Variants in TRPV3 observed in about 807,000 individuals in gnomAD.
TRPV3 encodes the protein VRL-3.
Under a neutral mutation model 87.1 loss-of-function variants are expected in TRPV3, and 88 were observed. That is an observed-to-expected ratio of 1.01 (90% CI 0.85 to 1.21). The LOEUF (loss-of-function observed/expected upper bound fraction) is 1.21, where lower values mean the gene tolerates loss of function less well. Ranked by LOEUF, TRPV3 falls within the 50% of genes most tolerant of loss-of-function variation. TRPV3 has a pLI of 0.00. For missense variants in TRPV3, 1,054 were observed against 1,030.1 expected, an observed-to-expected ratio of 1.02 and a Z score of -0.32; for synonymous variants, 438 against 423.3, an observed-to-expected ratio of 1.03 and a Z score of -0.43.
At chr17:3,541,468 T>C (rs1195856763) in intron 6 of TRPV3, among the ~76,000 whole-genome samples, 1 of 152,138 alleles carries the variant, frequency 6.6e-6, no homozygotes, top group Non-Finnish European at 1.5e-5. Flanking sequence ...CACGAGCACC[T>C]CATAAGACCG....
rs756417189 is a variant in TRPV3, at chr17:3,518,808, T to C, written c.1853A>G (p.Asp618Gly). Reference sequence around the variant, plus strand: ...GCTGAAGCTGCCGTAGGAGCTGCAGTCCTTGTTGTCTTTGGGACACTTCTC... The same window carrying C: ...GCTGAAGCTGCCGTAGGAGCTGCAGCCCTTGTTGTCTTTGGGACACTTCTC... ...LIEKCPKDNK[D>G]CSSYGSFSDA... The change falls in exon 15 of 18, where the codon GAC (aspartate) becomes GGC (glycine). Residue 618 changes from aspartate (D) to glycine (G), a missense_variant. By Grantham distance (94) the Asp-to-Gly change is moderately conservative (BLOSUM62 -1). Transcript: ENST00000576742. This position sits in a 1 kb window ranked among gnomAD's most constrained non-coding sequence, Gnocchi z 4.3. 6.8e-6 allele frequency: 11 copies of C among 1,613,982 alleles called. No homozygotes were observed. Among genetic ancestry groups the C allele is most frequent in the African/African-American group, 1.3e-5 (1 of 74,914 alleles).
At position 3,528,957 on chromosome 17, in the gene TRPV3, C is replaced by T. The variant is rs114034214; in HGVS notation, c.1281G>A (p.Thr427=). 1.5e-4 allele frequency: 241 copies of T among 1,614,200 alleles called. No homozygotes were observed. The highest frequency in any genetic ancestry group is 1.9e-4 in the Non-Finnish European group (222 of 1,180,038). Residue 427 remains threonine, a synonymous_variant, in exon 10 of 18, where the codon ACG becomes ACA. Coordinates refer to ENST00000576742, the MANE Select transcript of TRPV3 (RefSeq NM_145068.4). This position sits in a 1 kb window ranked among gnomAD's most constrained non-coding sequence, Gnocchi z 4.2. ...HEMLTLEPLH[T]LLHMKWKKFA... ...ACTTCTTCCACTTCATATGCAGCAG[C>T]GTGTGCAGCGGCTCCAGGGTCAGCA... is the stretch of plus-strand genomic sequence containing the variant.
chr17:3,555,262 G>A (rs563317733), intron 1 of TRPV3, among the ~76,000 whole-genome samples: 23 of 152,278 alleles, frequency 1.5e-4, no homozygotes, highest in East Asian at 9.6e-4. Flanking sequence ...AGTCCCAGGC[G>A]GACTCCTAAG....
At chr17:3,519,622 A>ATGGATGGT (rs1301439801) in intron 14 of TRPV3, among the ~76,000 whole-genome samples, 1 of 147,710 alleles carries the variant, frequency 6.8e-6, no homozygotes, top group African/African-American at 2.5e-5. Context: ...GGATGGATGG[A>ATGGATGGT]TGGATGGATG....
chr17:3,539,380 G>T (rs2074438050), intron 6 of TRPV3, among the ~76,000 whole-genome samples: 1 of 152,142 alleles, frequency 6.6e-6, no homozygotes, highest in Non-Finnish European at 1.5e-5. Flanking sequence ...TAGGCTGGGT[G>T]CGGTGGCTCA....
In TRPV3 at chr17:3,513,868, G is replaced by T; in HGVS notation, c.*49C>A. On this transcript the variant is annotated 3_prime_UTR_variant, in exon 18 of 18. Transcript: ENST00000576742. The stretch of plus-strand genomic sequence containing the variant: ...CTCTCTGCACAGAGTCGGTGACTCC[G>T]CCTGCAGCGCCAGACAGCGCACGCG... The T allele has an allele frequency of 6.6e-7, 1 of 1,507,636 alleles. No homozygotes were observed. The highest frequency in any genetic ancestry group is 9.2e-7 in the Non-Finnish European group (1 of 1,087,018). 93.4% of individuals were successfully genotyped at this position (1,507,636 alleles called of 1,614,324 possible). A position where few individuals can be genotyped will look rare whatever the true frequency, so the allele number is the denominator to read the frequency against.
Position 3,516,575 on chromosome 17 carries a change from G to C in TRPV3, c.2086-6C>G, listed in dbSNP as rs769829281. 3 of 1,610,652 alleles carry C rather than the reference G, an allele frequency of 1.9e-6. No individual in the cohort carries two copies. The highest frequency in any genetic ancestry group is 2.5e-6 in the Non-Finnish European group (3 of 1,176,864). On this transcript the variant is annotated splice_polypyrimidine_tract_variant and splice_region_variant and intron_variant, in intron 15 of 17. Transcript: ENST00000576742. ...TCCAAGATGGTCCTGGCTCTCTGGG[G>C]ACATAAGCAAGTCTAAGGAGTAGGC...
Position 3,528,701 on chromosome 17 carries a change from G to T in TRPV3, c.1401+136C>A. The T allele has an allele frequency of 1.0e-6, 1 of 1,003,230 alleles. No homozygotes were observed. Among genetic ancestry groups the T allele is most frequent in the Non-Finnish European group, 1.4e-6 (1 of 693,480 alleles). The allele number at this position is 1,003,230 out of a possible 1,614,324, so 62.1% of individuals were successfully genotyped here. The stretch of plus-strand genomic sequence containing the variant: ...GAAGACATATTCAGTTCCCTGGGAA[G>T]CGTGAAGGACAACTGGGGGACCCCG... On this transcript the variant is annotated intron_variant, in intron 10 of 17. Coordinates refer to ENST00000576742, the MANE Select transcript of TRPV3 (RefSeq NM_145068.4). The surrounding 1 kb of genome is among the most constrained non-coding windows in gnomAD (Gnocchi z 4.2).
intron 7 of TRPV3, among the ~76,000 whole-genome samples, chr17:3,534,608 G>A (rs936258972): frequency 6.6e-5 from 10 of 151,942 alleles, no homozygotes; most frequent in Non-Finnish European, 1.0e-4. Flanking sequence ...CCTCTAACAC[G>A]GGTGACTTTC....
chr17:3,518,908 G>A lies in TRPV3; in HGVS notation c.1811-58C>T. 6.4e-7 allele frequency: 1 copy of A among 1,550,664 alleles called. No individual in the cohort carries two copies. ...TCTCTGCCTGGTAATTACTCTACAAGCTTGCGTGTATTTGCCTACATGACA... is the reference window on the plus strand; with the variant it reads ...TCTCTGCCTGGTAATTACTCTACAAACTTGCGTGTATTTGCCTACATGACA... On this transcript the variant is annotated intron_variant, in intron 14 of 17. Transcript: ENST00000576742. The surrounding 1 kb of genome is among the most constrained non-coding windows in gnomAD (Gnocchi z 4.3).
In TRPV3 at chr17:3,518,945, T is replaced by G; in HGVS notation, c.1811-95A>C. The G allele has an allele frequency of 7.5e-7, 1 of 1,334,300 alleles. No individual in the cohort carries two copies. The highest frequency in any genetic ancestry group is 1.5e-5 in the African/African-American group (1 of 68,838). 82.7% of individuals were successfully genotyped at this position (1,334,300 alleles called of 1,614,324 possible). The stretch of plus-strand genomic sequence containing the variant: ...TTGCCTACATGACAAGCCTGCTGCC[T>G]CCTTCTCTCTGGCCATTAAATCCCA... On this transcript the variant is annotated intron_variant, in intron 14 of 17. Coordinates refer to ENST00000576742, the MANE Select transcript of TRPV3 (RefSeq NM_145068.4). The surrounding 1 kb of genome is among the most constrained non-coding windows in gnomAD (Gnocchi z 4.3).
In TRPV3 at chr17:3,512,189, C is replaced by T. The variant is rs928287457; in HGVS notation, c.*1728G>A. On this transcript the variant is annotated 3_prime_UTR_variant, in exon 18 of 18. Transcript: ENST00000576742. ...CCCATTCTGAAACACATCTGCTCCT[C>T]CTGCCTCTAGGACAGTTCTCCTCAA... The T allele has an allele frequency of 3.9e-5, 6 of 152,266 alleles. No homozygotes were observed. The highest frequency in any genetic ancestry group is 1.2e-4 in the African/African-American group (5 of 41,450). 9.4% of individuals were successfully genotyped at this position (152,266 alleles called of 1,614,324 possible).
chr17:3,556,579 C>T lies in TRPV3; in HGVS notation c.-3+1097G>A, dbSNP rs1350742085. On this transcript the variant is annotated intron_variant, in intron 1 of 17. Coordinates refer to ENST00000576742, the MANE Select transcript of TRPV3 (RefSeq NM_145068.4). This position sits in a 1 kb window ranked among gnomAD's most constrained non-coding sequence, Gnocchi z 4.2. ...GGAGCTGGGGCCACTGGTGATCCTA[C>T]CCCAATAGGAAAGCTTCCTGGAGGA... 2.6e-5 allele frequency among the ~76,000 whole-genome samples: 4 copies of T among 152,106 alleles called. No individual in the cohort carries two copies. Among genetic ancestry groups the T allele is most frequent in the Non-Finnish European group, 2.9e-5 (2 of 67,994 alleles).
intron 13 of TRPV3, among the ~76,000 whole-genome samples, chr17:3,522,742 G>A (rs1264744739): frequency 1.3e-5 from 2 of 151,444 alleles, no homozygotes; most frequent in South Asian, 2.1e-4. Flanking sequence ...GCTTGAGCCC[G>A]GGAGGCAGAG....
rs539408762 is a variant in TRPV3 at position 3,513,957 on chromosome 17, G to T, written c.2333C>A (p.Ala778Glu). 2.5e-6 allele frequency: 4 copies of T among 1,614,144 alleles called. No homozygotes were observed. The Admixed American group carries it at 6.7e-5, about 27-fold the overall frequency. Residue 778 changes from alanine (A) to glutamate (E), a missense_variant, in exon 18 of 18, where the codon GCA becomes GAA. Physicochemically the swap from Ala to Glu is moderately radical, Grantham distance 107. Transcript: ENST00000576742. ...CGGGAATTCCTCGACTTCTTCAAATGCATTGAGAGTGGTTTTGCTGTTGTT... is the reference window on the plus strand; with the variant it reads ...CGGGAATTCCTCGACTTCTTCAAATTCATTGAGAGTGGTTTTGCTGTTGTT... ...SRNNSKTTLN[A>E]FEEVEEFPET...
intron 14 of TRPV3, among the ~76,000 whole-genome samples, chr17:3,519,974 TTGGATGGATGGATGGATGGA>T (rs56355146): frequency 4.3e-5 from 5 of 116,952 alleles, no homozygotes; most frequent in African/African-American, 1.5e-4. Context: ...GGATGAATGA[TTGGATGGATGGATGGATGGA>T]TGGATGGATG....
At chr17:3,551,869 TC>T (rs1421595441) in intron 2 of TRPV3, among the ~76,000 whole-genome samples, 5 of 140,980 alleles carry the variant, frequency 3.5e-5, no homozygotes, top group African/African-American at 1.0e-4. Flanking sequence ...TGTAATTTAT[TC>T]TTTTTTTTTT....
Position 3,528,811 on chromosome 17 carries a change from T to C in TRPV3, c.1401+26A>G. 1.9e-6 allele frequency: 3 copies of C among 1,613,278 alleles called. No individual in the cohort carries two copies. Among genetic ancestry groups the C allele is most frequent in the Non-Finnish European group, 2.5e-6 (3 of 1,179,560 alleles). On this transcript the variant is annotated intron_variant, in intron 10 of 17. Transcript: ENST00000576742. This position sits in a 1 kb window ranked among gnomAD's most constrained non-coding sequence, Gnocchi z 4.2. ...GCCCCTCCAGCTCTGACGGCCCCAT[T>C]TTCCCCCTCCAAGGGGCCCACGTAC...
At chr17:3,519,874 A>ATGGATGAT (rs1287949966) in intron 14 of TRPV3, among the ~76,000 whole-genome samples, 12 of 145,582 alleles carry the variant, frequency 8.2e-5, no homozygotes, top group Non-Finnish European at 1.5e-4. Flanking sequence ...GGATGGATGG[A>ATGGATGAT]TGGATGGATG....
Sources: gnomAD v4.1 joint callset for allele counts (sites outside exome capture counted in the v4.1 genomes callset) on GRCh38, gnomAD v4.1.1 for gene constraint, Gnocchi (gnomAD v3.1) non-coding constraint, MANE v1.5 for transcripts, NCBI Gene and HGNC (gene_info 2026-07-23, HGNC 2026-07-21) for gene names.